The following WDR64 variants were observed in gnomAD, a reference collection of about 807,000 sequenced individuals.
The protein encoded by WDR64 is WD repeat-containing protein 64.
WDR64 carries 112 observed loss-of-function variants against 139.3 expected under a neutral mutation model. The observed-to-expected ratio is 0.80, with a 90% CI of 0.69 to 0.94. The LOEUF (loss-of-function observed/expected upper bound fraction) is 0.94, where lower values mean the gene tolerates loss of function less well. Ranked by LOEUF, WDR64 falls within the 40% of genes least tolerant of loss-of-function variation. WDR64 has a pLI of 0.00. For synonymous variants in WDR64, 444 were observed against 437.7 expected, an observed-to-expected ratio of 1.01 and a Z score of -0.18; for missense variants, 1,206 against 1,293.1, an observed-to-expected ratio of 0.93 and a Z score of 1.03.
At chr1:241,755,481 T>C (rs1207921172) in intron 14 of WDR64, among the ~76,000 whole-genome samples, 1 of 152,236 alleles carries the variant, frequency 6.6e-6, no homozygotes, top group African/African-American at 2.4e-5. Context: ...GTCAGATAGA[T>C]TGCAAAATTT....
At chr1:241,793,653 G>T (rs1009200985) in intron 25 of WDR64, among the ~76,000 whole-genome samples, 3 of 152,204 alleles carry the variant, frequency 2.0e-5, no homozygotes, top group African/African-American at 7.2e-5. Context: ...AGGGTGCTAA[G>T]GAGGGAAGCC....
Position 241,652,623 on chromosome 1 carries a change from A to G in WDR64, c.139A>G (p.Lys47Glu). ...RDERAGLFIHKEDAIGYDKFY... is the reference protein window; with the variant it reads ...RDERAGLFIHEEDAIGYDKFY... ...TGAAAGAGCAGGCTTATTTATCCAT[A>G]AAGAAGGTAAGATCAGTGATTACAC... Residue 47 changes from lysine to glutamate, a missense_variant, in exon 1 of 28, where the codon AAA becomes GAA. Lys to Glu is a moderately conservative substitution (Grantham distance 56). Transcript: ENST00000437684. 1 of 1,551,668 alleles carries G rather than the reference A, an allele frequency of 6.4e-7. No homozygotes were observed. Among genetic ancestry groups the G allele is most frequent in the Non-Finnish European group, 8.7e-7 (1 of 1,146,984 alleles).
chr1:241,735,533 C>CCCTTTTTTTTTTTTTT lies in WDR64; in HGVS notation c.1195-2830_1195-2829insCCTTTTTTTTTTTTTT, dbSNP rs1237771842. ...GTTCTCTGTCTCTCTCTCTCTCTCTCTTTTTTTTTTTTTTTTTTTGATACG... is the reference window on the plus strand; with the variant it reads ...GTTCTCTGTCTCTCTCTCTCTCTCTCCCTTTTTTTTTTTTTTTTTTTTTTTTTTTTTTTTTGATACG... On this transcript the variant is annotated intron_variant, in intron 10 of 27. Coordinates refer to ENST00000437684, the MANE Select transcript of WDR64 (RefSeq NM_001367482.1). Among the ~76,000 whole-genome samples, 375 of 103,450 alleles carry CCCTTTTTTTTTTTTTT rather than the reference C, an allele frequency of 3.6e-3. 17 individuals are homozygous for CCCTTTTTTTTTTTTTT. Among genetic ancestry groups the CCCTTTTTTTTTTTTTT allele is most frequent in the African/African-American group, 7.9e-3 (209 of 26,314 alleles). 67.9% of individuals were successfully genotyped at this position (103,450 alleles called of 152,430 possible).
intron 23 of WDR64, among the ~76,000 whole-genome samples, chr1:241,784,136 CTAGTGAGT>C (rs1465651821): frequency 2.0e-5 from 3 of 152,168 alleles, no homozygotes; most frequent in African/African-American, 7.2e-5. Flanking sequence ...GGGCTTGAGG[CTAGTGAGT>C]TAGACAGACC....
At chr1:241,668,789 G>GT (rs1216749293) in intron 2 of WDR64, among the ~76,000 whole-genome samples, 4 of 151,852 alleles carry the variant, frequency 2.6e-5, no homozygotes, top group Non-Finnish European at 5.9e-5. Context: ...CAGGCCTATG[G>GT]TTCCAGCTAC....
intron 11 of WDR64, among the ~76,000 whole-genome samples, chr1:241,741,224 A>G (rs148869691): frequency 9.2e-5 from 14 of 152,366 alleles, no homozygotes; most frequent in African/African-American, 3.4e-4. Flanking sequence ...TATGAAATAT[A>G]GGAAAATGAG....
At chr1:241,705,674 A>C (rs1209941467) in intron 8 of WDR64, among the ~76,000 whole-genome samples, 1 of 151,882 alleles carries the variant, frequency 6.6e-6, no homozygotes, top group African/African-American at 2.4e-5. Flanking sequence ...TGCACCTTCG[A>C]GTTCCTGGGA....
chr1:241,674,335 T>G (rs560125205), intron 3 of WDR64, among the ~76,000 whole-genome samples: 1 of 139,426 alleles, frequency 7.2e-6, no homozygotes, highest in African/African-American at 2.6e-5. Flanking sequence ...CACAACTCAC[T>G]GCACCTCAAC....
At chr1:241,757,192 A>G in intron 14 of WDR64, 91 bp from the exon 15 acceptor site, 1 of 1,161,108 alleles carries the variant, frequency 8.6e-7, no homozygotes, top group Non-Finnish European at 1.2e-6. Flanking sequence ...TGGTAGATAC[A>G]TCATTGTAGG....
In WDR64 at chr1:241,801,877, A is replaced by G. The variant is rs1461934086; in HGVS notation, c.*662A>G. On this transcript the variant is annotated 3_prime_UTR_variant, in exon 28 of 28. Coordinates refer to ENST00000437684, the MANE Select transcript of WDR64 (RefSeq NM_001367482.1). ...TATATCAATAATTATGAAACCTTTAATAGGTTAAAGTATGCAAGTTTAAAA... is the reference window on the plus strand; with the variant it reads ...TATATCAATAATTATGAAACCTTTAGTAGGTTAAAGTATGCAAGTTTAAAA... The G allele has an allele frequency of 2.5e-6, 1 of 398,106 alleles. No homozygotes were observed. Among genetic ancestry groups the G allele is most frequent in the Non-Finnish European group, 4.4e-6 (1 of 225,866 alleles). 24.7% of individuals were successfully genotyped at this position (398,106 alleles called of 1,614,324 possible).
intron 10 of WDR64, among the ~76,000 whole-genome samples, chr1:241,733,368 G>C (rs761592728): frequency 6.6e-6 from 1 of 151,930 alleles, no homozygotes; most frequent in Non-Finnish European, 1.5e-5. Flanking sequence ...CCAGCTACTC[G>C]GGAAGCTCAG....
intron 14 of WDR64, among the ~76,000 whole-genome samples, chr1:241,751,054 CTTA>C (rs1669961093): frequency 6.6e-6 from 1 of 152,046 alleles, no homozygotes; most frequent in Non-Finnish European, 1.5e-5. Flanking sequence ...GATTTACATA[CTTA>C]TTTTCTAGAA....
intron 10 of WDR64, among the ~76,000 whole-genome samples, chr1:241,732,890 A>G (rs1195671445): frequency 2.6e-5 from 4 of 152,170 alleles, no homozygotes; most frequent in Non-Finnish European, 5.9e-5. Context: ...TTGGACAATA[A>G]TAATTGGCAT....
rs139181954 is a variant in WDR64, at chr1:241,774,554, C to T, written c.2431-551C>T. Reference sequence around the variant, plus strand: ...AAGTCTTTCCCAGTGCTGGCTTATACTGAGCGCTGAAAAACAACCTGTTTG... The same window carrying T: ...AAGTCTTTCCCAGTGCTGGCTTATATTGAGCGCTGAAAAACAACCTGTTTG... On this transcript the variant is annotated intron_variant, in intron 20 of 27. Transcript: ENST00000437684. 1.9e-3 allele frequency among the ~76,000 whole-genome samples: 288 copies of T among 152,272 alleles called. 1 individual carries two copies. Among genetic ancestry groups the T allele is most frequent in the African/African-American group, 6.8e-3 (283 of 41,560 alleles).
chr1:241,672,938 G>A (rs1481330283), intron 3 of WDR64, among the ~76,000 whole-genome samples: 3 of 152,210 alleles, frequency 2.0e-5, no homozygotes, highest in Non-Finnish European at 4.4e-5. Flanking sequence ...AAAGCTACAA[G>A]GGGGCTGTGG....
intron 10 of WDR64, among the ~76,000 whole-genome samples, chr1:241,724,040 A>G (rs1293173927): frequency 2.0e-5 from 3 of 152,134 alleles, no homozygotes; most frequent in Non-Finnish European, 4.4e-5. Flanking sequence ...AAGGTCAAAG[A>G]GATAGCATTC....
At chr1:241,660,429 G>A in intron 1 of WDR64, 101 bp from the exon 2 acceptor site, 1 of 1,398,302 alleles carries the variant, frequency 7.2e-7, no homozygotes, top group South Asian at 1.4e-5. Context: ...TTTATAGATT[G>A]AGAAAAGAAA....
chr1:241,722,162 A>G (rs1243288596), intron 9 of WDR64, among the ~76,000 whole-genome samples: 3 of 152,204 alleles, frequency 2.0e-5, no homozygotes, highest in Admixed American at 6.5e-5. Flanking sequence ...CAATTAGCAG[A>G]TATATTTGGG....
At chr1:241,707,067 C>G (rs138280098) in intron 8 of WDR64, among the ~76,000 whole-genome samples, 116 of 152,270 alleles carry the variant, frequency 7.6e-4, no homozygotes, top group African/African-American at 2.7e-3. Context: ...CCACAGCCCC[C>G]CTTCTCCCTG....
Sources: gnomAD v4.1 joint callset for allele counts (sites outside exome capture counted in the v4.1 genomes callset) on GRCh38, gnomAD v4.1.1 for gene constraint, MANE v1.5 for transcripts, NCBI Gene and HGNC (gene_info 2026-07-23, HGNC 2026-07-21) for gene names.